Variants in PIEZO2 observed in about 807,000 individuals in gnomAD.
PIEZO2 encodes piezo-type mechanosensitive ion channel component 2.
Under a neutral mutation model 337.3 loss-of-function variants are expected in PIEZO2, and 172 were observed. That is an observed-to-expected ratio of 0.51 (90% CI 0.45 to 0.58). The LOEUF (loss-of-function observed/expected upper bound fraction) is 0.58, where lower values mean the gene tolerates loss of function less well. Ranked by LOEUF, PIEZO2 falls within the 20% of genes least tolerant of loss-of-function variation. The pLI, the probability that PIEZO2 is intolerant of heterozygous loss-of-function variation, is 0.00. For missense variants in PIEZO2, 3,028 were observed against 3,391.3 expected (o/e 0.89, Z 2.66); for synonymous variants, 1,251 against 1,228.5 (o/e 1.02, Z -0.38).
In PIEZO2 at chr18:11,127,802, C is replaced by CGTGTGT. The variant is rs1568397732; in HGVS notation, c.64+20722_64+20723insACACAC. On this transcript the variant is annotated intron_variant, in intron 1 of 55. Transcript: ENST00000674853. The surrounding 1 kb of genome is among the most constrained non-coding windows in gnomAD (Gnocchi z 4.5). ...ATGCATATACGTGTGTGTGTGTGTGCATGTGTGTGTGTGTGTGTGTGTGTA... is the reference window on the plus strand; with the variant it reads ...ATGCATATACGTGTGTGTGTGTGTGCGTGTGTATGTGTGTGTGTGTGTGTGTGTGTA... Among the ~76,000 whole-genome samples, 4 of 24,530 alleles carry CGTGTGT rather than the reference C, an allele frequency of 1.6e-4. No homozygotes were observed. Among genetic ancestry groups the CGTGTGT allele is most frequent in the African/African-American group, 5.1e-4 (2 of 3,888 alleles). 16.1% of individuals were successfully genotyped at this position (24,530 alleles called of 152,430 possible).
chr18:10,747,249 A>G (rs1369065900), intron 30 of PIEZO2, among the ~76,000 whole-genome samples: 2 of 152,210 alleles, frequency 1.3e-5, no homozygotes, highest in Non-Finnish European at 2.9e-5. Flanking sequence ...GGGCAAAGAA[A>G]GAGGTTGCAA....
chr18:10,735,919 T>A, intron 34 of PIEZO2, among the ~76,000 whole-genome samples: 1 of 152,192 alleles, frequency 6.6e-6, no homozygotes, highest in Admixed American at 6.5e-5. Flanking sequence ...AGTTAATTGA[T>A]AAAAGAAACA....
In PIEZO2 at chr18:10,691,254, G is replaced by T; in HGVS notation, c.7320C>A (p.Tyr2440Ter). 6.2e-7 allele frequency: 1 copy of T among 1,613,964 alleles called. No homozygotes were observed. Among genetic ancestry groups the T allele is most frequent in the Non-Finnish European group, 8.5e-7 (1 of 1,179,986 alleles). ...RVLGNFLTKS[Y>*]NYVNLFLFQG... ...GGAATAAGAAGAGGTTGACGTAATT[G>T]TAGCTCTTGGTGAGGAAGTTCCCCA... The change falls in exon 48 of 56, where the codon TAC (tyrosine) becomes TAA (stop). Residue 2440 changes from tyrosine to a stop codon, truncating the protein, a stop_gained. Transcript: ENST00000674853. LOFTEE classifies it high-confidence loss of function.
intron 36 of PIEZO2, among the ~76,000 whole-genome samples, chr18:10,721,685 AG>A (rs1184394453): frequency 4.6e-5 from 7 of 152,222 alleles, no homozygotes; most frequent in Non-Finnish European, 8.8e-5. Flanking sequence ...AGACAATACA[AG>A]GGAAGATCAA....
intron 3 of PIEZO2, among the ~76,000 whole-genome samples, chr18:10,950,188 A>G (rs555003207): frequency 1.3e-5 from 2 of 152,366 alleles, no homozygotes; most frequent in South Asian, 4.1e-4. Flanking sequence ...AGGGGTTAGC[A>G]TAGATAAGCC....
intron 7 of PIEZO2, among the ~76,000 whole-genome samples, chr18:10,841,943 G>C (rs971965886): frequency 6.6e-6 from 1 of 152,064 alleles, no homozygotes; most frequent in Admixed American, 6.6e-5. Flanking sequence ...GGATCACTAG[G>C]TCAGGAGATC....
At chr18:11,086,554 G>C (rs1420555855) in intron 1 of PIEZO2, among the ~76,000 whole-genome samples, 1 of 152,054 alleles carries the variant, frequency 6.6e-6, no homozygotes, top group Non-Finnish European at 1.5e-5. Flanking sequence ...CTCAAAACAG[G>C]CTAATGAGAC....
chr18:10,763,193 C>T (rs1459359059), intron 21 of PIEZO2, 95 bp from the exon 22 acceptor site: 11 of 1,329,868 alleles, frequency 8.3e-6, no homozygotes, highest in Non-Finnish European at 9.2e-6. Flanking sequence ...TTACTCAGTT[C>T]GGCAAAAGCA....
Position 10,859,093 on chromosome 18 carries a change from T to C in PIEZO2, c.493-1882A>G, listed in dbSNP as rs2041805296. The stretch of plus-strand genomic sequence containing the variant: ...GTCGAATAGGGTGATGTGGTAGTGA[T>C]AAACTGGGTGGCTGTTTCCGATTCA... On this transcript the variant is annotated intron_variant, in intron 5 of 55. Transcript: ENST00000674853. This position sits in a 1 kb window ranked among gnomAD's most constrained non-coding sequence, Gnocchi z 4.9. Among the ~76,000 whole-genome samples the C allele has an allele frequency of 6.6e-6, 1 of 152,140 alleles. No homozygotes were observed. The highest frequency in any genetic ancestry group is 2.4e-5 in the African/African-American group (1 of 41,434).
chr18:10,949,676 G>A (rs957888027), intron 3 of PIEZO2, among the ~76,000 whole-genome samples: 1 of 152,214 alleles, frequency 6.6e-6, no homozygotes, highest in African/African-American at 2.4e-5. Context: ...TTCATACAAG[G>A]CCAGCTTATG....
Position 11,016,567 on chromosome 18 carries a change from G to C in PIEZO2, c.161-36907C>G, listed in dbSNP as rs962036889. 6.6e-6 allele frequency among the ~76,000 whole-genome samples: 1 copy of C among 152,120 alleles called. No homozygotes were observed. The highest frequency in any genetic ancestry group is 6.5e-5 in the Admixed American group (1 of 15,268). ...AATTAGTTCATCAAAAGTAAGTAAC[G>C]AGTTACTCATTTAAACAAGTGATAA... On this transcript the variant is annotated intron_variant, in intron 2 of 55. Coordinates refer to ENST00000674853, the MANE Select transcript of PIEZO2 (RefSeq NM_001378183.1). The surrounding 1 kb of genome is among the most constrained non-coding windows in gnomAD (Gnocchi z 5.6).
In PIEZO2 at chr18:10,850,857, TC is replaced by T. The variant is rs1453500372; in HGVS notation, c.917+4495del. The stretch of plus-strand genomic sequence containing the variant: ...GTGTTTTTTCTTATTATTTTATTTT[TC>T]CAAATGACCAAAAAACATGTGTTTA... On this transcript the variant is annotated intron_variant, in intron 7 of 55. Transcript: ENST00000674853. The surrounding 1 kb of genome is among the most constrained non-coding windows in gnomAD (Gnocchi z 4.5). 6.6e-6 allele frequency among the ~76,000 whole-genome samples: 1 copy of T among 152,176 alleles called. No individual in the cohort carries two copies. Among genetic ancestry groups the T allele is most frequent in the East Asian group, 1.9e-4 (1 of 5,200 alleles).
chr18:10,724,696 A>C lies in PIEZO2; in HGVS notation c.5030-6437T>G. 1 of 1,197,308 alleles carries C rather than the reference A, an allele frequency of 8.4e-7. No homozygotes were observed. Among genetic ancestry groups the C allele is most frequent in the Non-Finnish European group, 1.2e-6 (1 of 842,374 alleles). The allele number at this position is 1,197,308 out of a possible 1,614,324, so 74.2% of individuals were successfully genotyped here. On this transcript the variant is annotated intron_variant, in intron 36 of 55. Transcript: ENST00000674853. The surrounding 1 kb of genome is among the most constrained non-coding windows in gnomAD (Gnocchi z 5.8). Reference sequence around the variant, plus strand: ...TACCAGTCTGCTGTCCCTGCGTCATAGGCTGAAGCACTCAGACCGAGATGG... The same window carrying C: ...TACCAGTCTGCTGTCCCTGCGTCATCGGCTGAAGCACTCAGACCGAGATGG...
chr18:11,001,606 G>A lies in PIEZO2; in HGVS notation c.161-21946C>T, dbSNP rs773583757. Among the ~76,000 whole-genome samples, 4 of 152,062 alleles carry A rather than the reference G, an allele frequency of 2.6e-5. No individual in the cohort carries two copies. The highest frequency in any genetic ancestry group is 6.6e-5 in the Admixed American group (1 of 15,256). ...TAAAATCTTTTGTCAAGCAGGGTGT[G>A]GTGGCTCGTGCCTGTAATCTCAGCA... is the stretch of plus-strand genomic sequence containing the variant. On this transcript the variant is annotated intron_variant, in intron 2 of 55. Transcript: ENST00000674853. The surrounding 1 kb of genome is among the most constrained non-coding windows in gnomAD (Gnocchi z 5.3).
intron 3 of PIEZO2, among the ~76,000 whole-genome samples, chr18:10,957,650 C>G (rs554241366): frequency 1.3e-5 from 2 of 152,022 alleles, no homozygotes; most frequent in South Asian, 4.2e-4. Flanking sequence ...GCAACAAAAG[C>G]AAAAAATAGA....
At chr18:10,839,711 A>G (rs2041132718) in intron 7 of PIEZO2, among the ~76,000 whole-genome samples, 2 of 152,222 alleles carry the variant, frequency 1.3e-5, no homozygotes, top group African/African-American at 4.8e-5. Context: ...GGCTTTCTGC[A>G]CTTGCATTTT....
Position 10,773,886 on chromosome 18 carries a change from G to A in PIEZO2, c.2567+120C>T, listed in dbSNP as rs2038694084. On this transcript the variant is annotated intron_variant, in intron 19 of 55. Coordinates refer to ENST00000674853, the MANE Select transcript of PIEZO2 (RefSeq NM_001378183.1). This position sits in a 1 kb window ranked among gnomAD's most constrained non-coding sequence, Gnocchi z 5.3. Reference sequence around the variant, plus strand: ...TTCTAGTGATTAGTTGGTAATGAGAGCTATCAACACCTAAACTTGACATTT... The same window carrying A: ...TTCTAGTGATTAGTTGGTAATGAGAACTATCAACACCTAAACTTGACATTT... 1.6e-6 allele frequency: 1 copy of A among 643,626 alleles called. No individual in the cohort carries two copies. Among genetic ancestry groups the A allele is most frequent in the Admixed American group, 2.6e-5 (1 of 38,940 alleles). The allele number at this position is 643,626 out of a possible 1,614,324, so 39.9% of individuals were successfully genotyped here.
At chr18:10,714,725 C>A (rs921806714) in intron 39 of PIEZO2, 39 bp downstream of exon 39, 8 of 1,527,770 alleles carry the variant, frequency 5.2e-6, no homozygotes, top group Non-Finnish European at 6.1e-6. Flanking sequence ...CCTCATTTAC[C>A]TTTGTCAAAA....
rs912295355 is a variant in PIEZO2 at position 10,980,074 on chromosome 18, A to C, written c.161-414T>G. 2.0e-5 allele frequency among the ~76,000 whole-genome samples: 3 copies of C among 152,202 alleles called. No individual in the cohort carries two copies. The highest frequency in any genetic ancestry group is 7.2e-5 in the African/African-American group (3 of 41,464). ...CATTTTATGAAGTCACAATAACTTTAATTTCAAAATCAAATAAGGCTAGAA... is the reference window on the plus strand; with the variant it reads ...CATTTTATGAAGTCACAATAACTTTCATTTCAAAATCAAATAAGGCTAGAA... On this transcript the variant is annotated intron_variant, in intron 2 of 55. Coordinates refer to ENST00000674853, the MANE Select transcript of PIEZO2 (RefSeq NM_001378183.1). This position sits in a 1 kb window ranked among gnomAD's most constrained non-coding sequence, Gnocchi z 4.8.
Sources: gnomAD v4.1 joint callset for allele counts (sites outside exome capture counted in the v4.1 genomes callset) on GRCh38, gnomAD v4.1.1 for gene constraint, Gnocchi (gnomAD v3.1) non-coding constraint, MANE v1.5 for transcripts, NCBI Gene and HGNC (gene_info 2026-07-23, HGNC 2026-07-21) for gene names.